Variants in TMED3 observed in about 807,000 individuals in gnomAD.
TMED3 encodes the protein transmembrane emp24 domain-containing protein 3.
TMED3 carries 9 observed loss-of-function variants against 15.0 expected under a neutral mutation model. The ratio of observed to expected loss-of-function variants is 0.60; its 90% confidence interval spans 0.36 to 1.04. TMED3 has a LOEUF of 1.04. TMED3 is among the 50% of genes least tolerant of loss of function. The pLI, the probability that TMED3 is intolerant of heterozygous loss-of-function variation, is 0.01. For synonymous variants in TMED3, 117 were observed against 121.4 expected, an observed-to-expected ratio of 0.96 and a Z score of 0.24; for missense variants, 267 against 278.9, an observed-to-expected ratio of 0.96 and a Z score of 0.30.
chr15:79,407,298 A>G lies in TMED3; in HGVS notation c.418-4102A>G, dbSNP rs147162227. Among the ~76,000 whole-genome samples, 1,176 of 152,282 alleles carry G rather than the reference A, an allele frequency of 7.7e-3. 6 individuals are homozygous for G. Among genetic ancestry groups the G allele is most frequent in the Non-Finnish European group, 0.013 (912 of 68,022 alleles). The stretch of plus-strand genomic sequence containing the variant: ...GTCAGGGGAGAGTGCCTCTACATCA[A>G]TTAAACTCTCCCAACACAGCTTTAT... On this transcript the variant is annotated intron_variant, in intron 2 of 2. Transcript: ENST00000424155.
At chr15:79,369,556 G>A (rs559288267) in intron 2 of TMED3, among the ~76,000 whole-genome samples, 74 of 152,356 alleles carry the variant, frequency 4.9e-4, no homozygotes, top group African/African-American at 1.7e-3. Flanking sequence ...CCTCGCTCTT[G>A]TTAATTGGAC....
chr15:79,395,840 T>C (rs1893756050), intron 2 of TMED3, among the ~76,000 whole-genome samples: 1 of 152,244 alleles, frequency 6.6e-6, no homozygotes. Flanking sequence ...AACGTTCTTA[T>C]TTTGTTCTTT....
intron 1 of TMED3, among the ~76,000 whole-genome samples, chr15:79,313,215 C>A (rs998609461): frequency 2.0e-4 from 31 of 151,988 alleles, no homozygotes; most frequent in African/African-American, 7.3e-4. Context: ...GATAAAGAAT[C>A]GGTGGCATCT....
At chr15:79,353,772 C>A (rs2058907785) in intron 2 of TMED3, among the ~76,000 whole-genome samples, 2 of 151,146 alleles carry the variant, frequency 1.3e-5, no homozygotes, top group South Asian at 2.1e-4. Context: ...TTAAAAAAAA[C>A]CTTAAAAAGA....
At chr15:79,396,576 T>C (rs1327713314) in intron 2 of TMED3, among the ~76,000 whole-genome samples, 3 of 152,200 alleles carry the variant, frequency 2.0e-5, no homozygotes, top group South Asian at 4.1e-4. Flanking sequence ...TGGGCTCCAG[T>C]GTAAGTGTTC....
intron 2 of TMED3, among the ~76,000 whole-genome samples, chr15:79,353,309 ATATATATAAT>A (rs2058904420): frequency 3.4e-5 from 1 of 29,012 alleles, no homozygotes; most frequent in East Asian, 7.8e-4. Flanking sequence ...TATATATATT[ATATATATAAT>A]ATATATAATA....
chr15:79,373,351 T>C (rs1014215724), intron 2 of TMED3, among the ~76,000 whole-genome samples: 2 of 152,250 alleles, frequency 1.3e-5, no homozygotes, highest in Non-Finnish European at 2.9e-5. Context: ...TGGGCTATTT[T>C]CTTTGGCTGT....
At chr15:79,330,321 A>G (rs1391532122) in intron 2 of TMED3, among the ~76,000 whole-genome samples, 1 of 152,266 alleles carries the variant, frequency 6.6e-6, no homozygotes, top group Non-Finnish European at 1.5e-5. Flanking sequence ...ATTAAAATTG[A>G]CAAATTCAGT....
At chr15:79,313,392 A>C (rs1447677766) in intron 1 of TMED3, among the ~76,000 whole-genome samples, 1 of 152,194 alleles carries the variant, frequency 6.6e-6, no homozygotes, top group East Asian at 1.9e-4. Context: ...AAAGCTCTCA[A>C]GGCAGATCTC....
chr15:79,377,297 T>TGTGTGTGTGTGA (rs1491369749), intron 2 of TMED3, among the ~76,000 whole-genome samples: 1 of 99,454 alleles, frequency 1.0e-5, no homozygotes, highest in African/African-American at 3.6e-5. Flanking sequence ...TGTGTGTGTG[T>TGTGTGTGTGTGA]GAGAGAGAGA....
At chr15:79,363,653 A>G (rs1173495465) in intron 2 of TMED3, among the ~76,000 whole-genome samples, 1 of 152,228 alleles carries the variant, frequency 6.6e-6, no homozygotes, top group Non-Finnish European at 1.5e-5. Context: ...AAACAATTAC[A>G]GTTTACAACT....
chr15:79,408,821 A>G (rs1240709994), intron 2 of TMED3, among the ~76,000 whole-genome samples: 71 of 152,348 alleles, frequency 4.7e-4, no homozygotes, highest in Non-Finnish European at 1.2e-4. Flanking sequence ...GAAGTACCAC[A>G]TGAAGTATTT....
chr15:79,379,213 T>A (rs1181140929), intron 2 of TMED3, among the ~76,000 whole-genome samples: 1 of 152,202 alleles, frequency 6.6e-6, no homozygotes, highest in Non-Finnish European at 1.5e-5. Context: ...AGTATGCCTT[T>A]GTCAGTCCAA....
downstream of TMED3, among the ~76,000 whole-genome samples, chr15:79,326,671 T>C (rs868401433): frequency 2.2e-4 from 33 of 152,232 alleles, no homozygotes; most frequent in African/African-American, 8.0e-4. Flanking sequence ...CAGAATATTC[T>C]GTTTCTCCCC....
chr15:79,352,234 C>T (rs565990568), intron 2 of TMED3, among the ~76,000 whole-genome samples: 3 of 152,288 alleles, frequency 2.0e-5, no homozygotes, highest in African/African-American at 7.2e-5. Flanking sequence ...ACACCCACCT[C>T]TTTGCCACAC....
intron 2 of TMED3, among the ~76,000 whole-genome samples, chr15:79,394,631 AAAG>A (rs1247497221): frequency 6.6e-6 from 1 of 152,214 alleles, no homozygotes; most frequent in Non-Finnish European, 1.5e-5. Flanking sequence ...CTCTGGGCTC[AAAG>A]AAGCAGCTAC....
chr15:79,350,596 C>T (rs2141233498), intron 2 of TMED3, among the ~76,000 whole-genome samples: 1 of 152,262 alleles, frequency 6.6e-6, no homozygotes, highest in South Asian at 2.1e-4. Flanking sequence ...TCTAGCTGTG[C>T]TGGGAGCTGA....
At chr15:79,387,191 AT>A (rs1240442991) in intron 2 of TMED3, among the ~76,000 whole-genome samples, 1 of 152,134 alleles carries the variant, frequency 6.6e-6, no homozygotes, top group Non-Finnish European at 1.5e-5. Context: ...TGCCTTTTAT[AT>A]TTAAGTCTAT....
chr15:79,319,144 C>T (rs1009414027), intron 2 of TMED3, among the ~76,000 whole-genome samples: 6 of 152,134 alleles, frequency 3.9e-5, no homozygotes, highest in African/African-American at 1.4e-4. Context: ...AGCTGGTGTA[C>T]CCAGTCTAAC....
Sources: gnomAD v4.1 joint callset for allele counts (sites outside exome capture counted in the v4.1 genomes callset) on GRCh38, gnomAD v4.1.1 for gene constraint, MANE v1.5 for transcripts, NCBI Gene and HGNC (gene_info 2026-07-23, HGNC 2026-07-21) for gene names.